ST3GAL4: variants seen among roughly 807,000 people sequenced by gnomAD.
The protein encoded by ST3GAL4 is ST3 beta-galactoside alpha-2,3-sialyltransferase 4.
Under a neutral mutation model 42.6 loss-of-function variants are expected in ST3GAL4, and 24 were observed. The observed-to-expected ratio is 0.56, with a 90% CI of 0.41 to 0.79. The LOEUF is 0.79. Ranked by LOEUF, ST3GAL4 falls within the 30% of genes least tolerant of loss-of-function variation. ST3GAL4 has a pLI of 0.00. For missense variants in ST3GAL4, 311 were observed against 430.8 expected (o/e 0.72, Z 2.46); for synonymous variants, 135 against 163.2 (o/e 0.83, Z 1.32).
At chr11:126,399,391 GTC>G (rs1953914529) in intron 1 of ST3GAL4, among the ~76,000 whole-genome samples, 1 of 121,842 alleles carries the variant, frequency 8.2e-6, no homozygotes, top group Non-Finnish European at 1.6e-5. Flanking sequence ...TGCAACTTCT[GTC>G]TCCTGGGTTC....
At chr11:126,371,305 C>T (rs1279530794) in intron 1 of ST3GAL4, among the ~76,000 whole-genome samples, 1 of 151,700 alleles carries the variant, frequency 6.6e-6, no homozygotes, top group African/African-American at 2.4e-5. Flanking sequence ...GCTGGGATTA[C>T]AGACGCACGC....
At chr11:126,389,625 G>A (rs967189684) in intron 1 of ST3GAL4, among the ~76,000 whole-genome samples, 16 of 151,984 alleles carry the variant, frequency 1.1e-4, no homozygotes, top group East Asian at 1.9e-4. Context: ...GTATAGTGGC[G>A]CGATCATAGC....
intron 1 of ST3GAL4, among the ~76,000 whole-genome samples, chr11:126,369,344 T>C (rs951216841): frequency 1.3e-5 from 2 of 152,080 alleles, no homozygotes; most frequent in African/African-American, 4.8e-5. Flanking sequence ...GCCTCCTGGA[T>C]TCAAGCGATT....
At chr11:126,372,078 T>C (rs942864848) in intron 1 of ST3GAL4, among the ~76,000 whole-genome samples, 4 of 152,254 alleles carry the variant, frequency 2.6e-5, no homozygotes, top group African/African-American at 9.6e-5. Context: ...TGTTGACCTG[T>C]TGACCGTCTT....
rs1168831068 is a variant in ST3GAL4, at chr11:126,379,684, G to C, written c.-61+23842G>C. ...GTAGAGATGGGGTTTCACCACGTTG[G>C]CCAGGCTGGTCTCAAACTCCTGACC... On this transcript the variant is annotated intron_variant, in intron 1 of 10. Transcript: ENST00000444328. The surrounding 1 kb of genome is among the most constrained non-coding windows in gnomAD (Gnocchi z 4.2). Among the ~76,000 whole-genome samples the C allele has an allele frequency of 6.6e-6, 1 of 151,884 alleles. No homozygotes were observed. The highest frequency in any genetic ancestry group is 2.4e-5 in the African/African-American group (1 of 41,344).
Position 126,410,076 on chromosome 11 carries a change from T to A in ST3GAL4, c.771+665T>A, listed in dbSNP as rs1954451456. Among the ~76,000 whole-genome samples the A allele has an allele frequency of 6.6e-6, 1 of 152,172 alleles. No individual in the cohort carries two copies. The highest frequency in any genetic ancestry group is 1.5e-5 in the Non-Finnish European group (1 of 68,028). ...TGCACCATCACGCCTGGCTAATTTT[T>A]AAATTTTTTTGTAGAGATGGGGGTC... On this transcript the variant is annotated intron_variant, in intron 9 of 10. Coordinates refer to ENST00000444328, the MANE Select transcript of ST3GAL4 (RefSeq NM_001254757.2). The surrounding 1 kb of genome is among the most constrained non-coding windows in gnomAD (Gnocchi z 5.3).
chr11:126,390,956 A>T (rs1233233881), intron 1 of ST3GAL4, among the ~76,000 whole-genome samples: 6 of 152,160 alleles, frequency 3.9e-5, no homozygotes, highest in African/African-American at 1.4e-4. Context: ...TCTTTTTGGG[A>T]CTGGCTTATT....
In ST3GAL4 at chr11:126,414,269, G is replaced by A. The variant is rs1010313074; in HGVS notation, c.*222G>A. The A allele has an allele frequency of 2.1e-5, 12 of 581,018 alleles. No individual in the cohort carries two copies. Among genetic ancestry groups the A allele is most frequent in the Admixed American group, 5.9e-5 (2 of 33,624 alleles). 36.0% of individuals were successfully genotyped at this position (581,018 alleles called of 1,614,324 possible). ...GGGGGCGCTGGAGCCGTGGGAGCCC[G>A]GCCAGGGCAGGGGGCTCGTTGCTGT... is the stretch of plus-strand genomic sequence containing the variant. On this transcript the variant is annotated 3_prime_UTR_variant, in exon 11 of 11. Transcript: ENST00000444328.
chr11:126,389,939 C>A (rs574999601), intron 1 of ST3GAL4, among the ~76,000 whole-genome samples: 1 of 145,942 alleles, frequency 6.9e-6, no homozygotes, highest in African/African-American at 2.6e-5. Flanking sequence ...ACTGGGAGGC[C>A]GAGGCGGGTG....
rs1430345364 is a variant in ST3GAL4, at chr11:126,376,124, AT to A, written c.-61+20283del. ...AGATAGGAAAACACAGAATTATATA[AT>A]ACGAAATTACATTATATCATAGAGC... On this transcript the variant is annotated intron_variant, in intron 1 of 10. Transcript: ENST00000444328. This position sits in a 1 kb window ranked among gnomAD's most constrained non-coding sequence, Gnocchi z 5.1. Among the ~76,000 whole-genome samples, 1 of 151,188 alleles carries A rather than the reference AT, an allele frequency of 6.6e-6. No homozygotes were observed. Among genetic ancestry groups the A allele is most frequent in the Non-Finnish European group, 1.5e-5 (1 of 68,028 alleles).
chr11:126,361,764 A>G (rs1952252141), intron 1 of ST3GAL4, among the ~76,000 whole-genome samples: 1 of 152,102 alleles, frequency 6.6e-6, no homozygotes, highest in Non-Finnish European at 1.5e-5. Flanking sequence ...TGGAGCTGTG[A>G]GATTTGTATT....
intron 1 of ST3GAL4, among the ~76,000 whole-genome samples, chr11:126,356,714 C>T (rs1952079654): frequency 6.6e-6 from 1 of 152,246 alleles, no homozygotes; most frequent in African/African-American, 2.4e-5. Context: ...TCATGGCCAC[C>T]CACAAGCTGG....
Position 126,409,308 on chromosome 11 carries a change from A to C in ST3GAL4, c.668A>C (p.Asp223Ala). ...TGGAAACAGCCTCCCCTCATCTGGG[A>C]TGTCAATCCTAAACAGATTCGGATT... is the stretch of plus-strand genomic sequence containing the variant. ...GFWKQPPLIW[D>A]VNPKQIRILN... Residue 223 changes from aspartate to alanine, a missense_variant, in exon 9 of 11, where the codon GAT becomes GCT. Transcript: ENST00000444328. This position sits in a 1 kb window ranked among gnomAD's most constrained non-coding sequence, Gnocchi z 4.9. 1.9e-6 allele frequency: 3 copies of C among 1,614,228 alleles called. No individual in the cohort carries two copies. The highest frequency in any genetic ancestry group is 2.5e-6 in the Non-Finnish European group (3 of 1,180,036).
chr11:126,395,433 T>A (rs1953707033), intron 1 of ST3GAL4, among the ~76,000 whole-genome samples: 1 of 152,072 alleles, frequency 6.6e-6, no homozygotes, highest in Non-Finnish European at 1.5e-5. Context: ...CTAGACTGAG[T>A]GAGCATAAAT....
At chr11:126,403,520 C>T in intron 1 of ST3GAL4, 1 of 883,886 alleles carries the variant, frequency 1.1e-6, no homozygotes, top group Non-Finnish European at 1.4e-6. Flanking sequence ...ATTCCCTATT[C>T]ATGCCTGGGC....
intron 1 of ST3GAL4, among the ~76,000 whole-genome samples, chr11:126,381,755 A>G (rs67358277): frequency 0.2 from 29,097 of 148,212 alleles, 2,782 homozygotes; most frequent in East Asian, 0.37. Context: ...GAGGTCAGGT[A>G]TTGGGCTGGA....
chr11:126,409,180 C>G lies in ST3GAL4; in HGVS notation c.628-88C>G. The G allele has an allele frequency of 6.5e-7, 1 of 1,549,638 alleles. No homozygotes were observed. Among genetic ancestry groups the G allele is most frequent in the Non-Finnish European group, 8.8e-7 (1 of 1,136,090 alleles). Reference sequence around the variant, plus strand: ...GAAGGCCTCTGCCATCGCTTGGACCCCCTCGCCTCGCTGAGGACCACTGGG... The same window carrying G: ...GAAGGCCTCTGCCATCGCTTGGACCGCCTCGCCTCGCTGAGGACCACTGGG... On this transcript the variant is annotated intron_variant, in intron 8 of 10. Transcript: ENST00000444328. This position sits in a 1 kb window ranked among gnomAD's most constrained non-coding sequence, Gnocchi z 4.9.
At position 126,376,201 on chromosome 11, in the gene ST3GAL4, A is replaced by G. The variant is rs540490670; in HGVS notation, c.-61+20359A>G. 7.9e-5 allele frequency among the ~76,000 whole-genome samples: 12 copies of G among 152,332 alleles called. No homozygotes were observed. The East Asian group carries it at 2.1e-3, about 27-fold the overall frequency. On this transcript the variant is annotated intron_variant, in intron 1 of 10. Transcript: ENST00000444328. The surrounding 1 kb of genome is among the most constrained non-coding windows in gnomAD (Gnocchi z 5.1). Reference sequence around the variant, plus strand: ...TGGCTTTTGGTATTAAAATGTCTTCAGTTTCAGAGGTCCCAGGATAGTGGG... The same window carrying G: ...TGGCTTTTGGTATTAAAATGTCTTCGGTTTCAGAGGTCCCAGGATAGTGGG...
chr11:126,360,579 A>G (rs1036152569), intron 1 of ST3GAL4, among the ~76,000 whole-genome samples: 2 of 152,102 alleles, frequency 1.3e-5, no homozygotes, highest in Non-Finnish European at 2.9e-5. Flanking sequence ...ACCCGCCACC[A>G]CGCCTGGCTA....
Sources: allele counts gnomAD v4.1 joint callset (sites outside exome capture counted in the v4.1 genomes callset), GRCh38; gene constraint gnomAD v4.1.1; non-coding constraint Gnocchi (gnomAD v3.1); transcripts MANE v1.5; gene names NCBI Gene and HGNC (gene_info 2026-07-23, HGNC 2026-07-21).